The following AFF2 variants were observed in gnomAD, a reference collection of about 807,000 sequenced individuals.
AFF2 encodes the protein ALF transcription elongation factor 2.
In AFF2, 14 loss-of-function variants were observed where a neutral mutation model predicts 76.9. That is an observed-to-expected ratio of 0.18 (90% CI 0.12 to 0.28). AFF2 has a LOEUF of 0.28. Ranked by LOEUF, AFF2 falls within the 10% of genes least tolerant of loss-of-function variation. The pLI is 1.00. For missense variants in AFF2, 868 were observed against 1,001.1 expected (o/e 0.87, Z 1.79); for synonymous variants, 398 against 366.7 (o/e 1.09, Z -0.98).
chrX:148,966,892 G>A lies in AFF2; in HGVS notation c.3016G>A (p.Val1006Ile), dbSNP rs1254711428. The A allele has an allele frequency of 8.3e-7, 1 of 1,210,784 alleles. No individual in the cohort carries two copies. Among genetic ancestry groups the A allele is most frequent in the Non-Finnish European group, 1.1e-6 (1 of 895,335 alleles). Reference protein sequence around the residue: ...VTATAIVTTTVTATATATATT... With the variant: ...VTATAIVTTTITATATATATT... Reference sequence around the variant, plus strand: ...TGCTACTGCCATTGTCACCACCACTGTCACAGCTACTGCCACCGCCACGGC... The same window carrying A: ...TGCTACTGCCATTGTCACCACCACTATCACAGCTACTGCCACCGCCACGGC... Residue 1006 changes from valine to isoleucine, a missense_variant, in exon 14 of 21, where the codon GTC becomes ATC. By Grantham distance (29) the Val-to-Ile change is conservative (BLOSUM62 3). Transcript: ENST00000370460.
intron 18 of AFF2, 116 bp from the exon 19 acceptor site, chrX:148,980,622 C>T (rs782415525): frequency 9.6e-6 from 5 of 521,571 alleles, no homozygotes; most frequent in Admixed American, 5.4e-5. Context: ...AGCTCTGCAT[C>T]CCGAAATGCT....
chrX:148,713,685 G>C (rs2054995322), intron 3 of AFF2, among the ~76,000 whole-genome samples: 1 of 111,657 alleles, frequency 9.0e-6, no homozygotes, highest in Admixed American at 9.5e-5. Flanking sequence ...ACTTGAAAAG[G>C]CTGCCCACTT....
intron 1 of AFF2, among the ~76,000 whole-genome samples, chrX:148,556,419 C>A (rs2053053453): frequency 9.0e-6 from 1 of 111,538 alleles, no homozygotes; most frequent in Non-Finnish European, 1.9e-5. Context: ...TGTTTTTAAC[C>A]CTGCGTGGAG....
intron 3 of AFF2, among the ~76,000 whole-genome samples, chrX:148,736,575 C>T (rs1360114725): frequency 5.4e-5 from 6 of 111,292 alleles, no homozygotes; most frequent in Admixed American, 1.9e-4. Context: ...TGTCTGTTTA[C>T]TCTGCTGACT....
chrX:148,633,856 A>G (rs1228606762), intron 1 of AFF2, among the ~76,000 whole-genome samples: 1 of 112,599 alleles, frequency 8.9e-6, no homozygotes, highest in Non-Finnish European at 1.9e-5. Flanking sequence ...ACCACATGAT[A>G]TAAGAATGCT....
At chrX:148,871,093 T>C (rs73609922) in intron 7 of AFF2, among the ~76,000 whole-genome samples, 5,386 of 111,126 alleles carry the variant, frequency 0.048, 332 homozygotes, top group African/African-American at 0.17. Context: ...GGGGCAGTGA[T>C]GATGCCCTCT....
intron 3 of AFF2, among the ~76,000 whole-genome samples, chrX:148,710,611 T>G (rs1199307540): frequency 8.9e-6 from 1 of 112,173 alleles, no homozygotes; most frequent in Non-Finnish European, 1.9e-5. Context: ...AAAATTTTAC[T>G]TTTTTGTCAC....
At chrX:148,776,678 A>G (rs782539405) in intron 3 of AFF2, among the ~76,000 whole-genome samples, 10 of 110,822 alleles carry the variant, frequency 9.0e-5, no homozygotes, top group Non-Finnish European at 1.9e-4. Context: ...GTCTGTTCCT[A>G]TACTTCGCCC....
At chrX:148,659,380 A>G (rs981813135) in intron 2 of AFF2, among the ~76,000 whole-genome samples, 1 of 112,316 alleles carries the variant, frequency 8.9e-6, no homozygotes, top group Non-Finnish European at 1.9e-5. Context: ...CACATTCTTG[A>G]GTCCTGATTG....
At chrX:148,668,601 C>T (rs2054384858) in intron 3 of AFF2, among the ~76,000 whole-genome samples, 1 of 112,651 alleles carries the variant, frequency 8.9e-6, no homozygotes, top group Non-Finnish European at 1.9e-5. Context: ...CATGTGGAAG[C>T]TGCCAAGATG....
intron 3 of AFF2, among the ~76,000 whole-genome samples, chrX:148,758,327 A>G (rs1252567009): frequency 1.8e-5 from 2 of 112,910 alleles, no homozygotes; most frequent in African/African-American, 6.4e-5. Flanking sequence ...TTTCTCAAAT[A>G]TTGGATAGCT....
intron 3 of AFF2, among the ~76,000 whole-genome samples, chrX:148,806,248 C>T (rs112466053): frequency 2.7e-5 from 3 of 112,312 alleles, no homozygotes; most frequent in African/African-American, 9.7e-5. Flanking sequence ...GCATTTGGGG[C>T]CGAGCCCCAG....
At chrX:148,865,042 A>G (rs1557276733) in intron 7 of AFF2, among the ~76,000 whole-genome samples, 1 of 112,485 alleles carries the variant, frequency 8.9e-6, no homozygotes, top group Admixed American at 9.4e-5. Flanking sequence ...TCACTCTAAG[A>G]AGACTCATGA....
intron 1 of AFF2, among the ~76,000 whole-genome samples, chrX:148,501,424 G>T (rs1210335296): frequency 1.8e-5 from 2 of 112,817 alleles, no homozygotes; most frequent in African/African-American, 3.2e-5. Flanking sequence ...GGTGCCGCCC[G>T]AGGGCTGAAC....
At chrX:148,875,977 A>G (rs1161691790) in intron 7 of AFF2, among the ~76,000 whole-genome samples, 1 of 112,148 alleles carries the variant, frequency 8.9e-6, no homozygotes, top group Non-Finnish European at 1.9e-5. Flanking sequence ...AAAGGTTCTC[A>G]TTATTAAAAA....
At chrX:148,919,966 T>C (rs1307753624) in intron 9 of AFF2, among the ~76,000 whole-genome samples, 8 of 112,066 alleles carry the variant, frequency 7.1e-5, no homozygotes, top group Non-Finnish European at 1.5e-4. Flanking sequence ...GATTTGGTAG[T>C]TTGGTGTTAA....
chrX:148,794,305 A>G (rs1305164763), intron 3 of AFF2, among the ~76,000 whole-genome samples: 1 of 112,046 alleles, frequency 8.9e-6, no homozygotes, highest in Non-Finnish European at 1.9e-5. Context: ...TTTCATCACA[A>G]ATTTATGACT....
chrX:148,790,142 T>C (rs1489105510), intron 3 of AFF2, among the ~76,000 whole-genome samples: 1 of 112,102 alleles, frequency 8.9e-6, no homozygotes, highest in Non-Finnish European at 1.9e-5. Context: ...TTGGCCTTGC[T>C]GGTCAGAACG....
At chrX:148,501,285 C>T (rs1436105971) in intron 1 of AFF2, 141 bp downstream of exon 1, 1 of 781,280 alleles carries the variant, frequency 1.3e-6, no homozygotes. Flanking sequence ...CACCTCTGGC[C>T]CCGGCCGCGC....
Sources: allele counts gnomAD v4.1 joint callset (sites outside exome capture counted in the v4.1 genomes callset), GRCh38; gene constraint gnomAD v4.1.1; transcripts MANE v1.5; gene names NCBI Gene and HGNC (gene_info 2026-07-23, HGNC 2026-07-21).